PPP2R5B: variants seen among roughly 807,000 people sequenced by gnomAD.
PPP2R5B encodes protein phosphatase 2 regulatory subunit B'beta.
PPP2R5B carries 19 observed loss-of-function variants against 59.9 expected under a neutral mutation model. That is an observed-to-expected ratio of 0.32 (90% CI 0.22 to 0.47). PPP2R5B has a LOEUF of 0.47. PPP2R5B is among the 20% of genes least tolerant of loss of function. The probability of loss-of-function intolerance (pLI) is 1.00; values close to 1 mark genes in which losing one functional copy is unlikely to be tolerated. For missense variants in PPP2R5B, 441 were observed against 640.2 expected (o/e 0.69, Z 3.36); for synonymous variants, 286 against 260.5 (o/e 1.10, Z -0.94).
Position 64,933,849 on chromosome 11 carries a change from C to T in PPP2R5B, c.*5C>T. ...GCCAGTGGGGGTCAGAGCTAGACAG[C>T]ACCTCAGAAGGGGAAAAGCTAAACC... On this transcript the variant is annotated 3_prime_UTR_variant, in exon 14 of 14. Transcript: ENST00000164133. 2 of 1,525,024 alleles carry T rather than the reference C, an allele frequency of 1.3e-6. No individual in the cohort carries two copies. The highest frequency in any genetic ancestry group is 1.8e-6 in the Non-Finnish European group (2 of 1,136,254). The allele number at this position is 1,525,024 out of a possible 1,614,324, so 94.5% of individuals were successfully genotyped here. A position where few individuals can be genotyped will look rare whatever the true frequency, so the allele number is the denominator to read the frequency against.
In PPP2R5B at chr11:64,931,274, G is replaced by C. The variant is rs983457261; in HGVS notation, c.892-162G>C. On this transcript the variant is annotated intron_variant, in intron 8 of 13. Transcript: ENST00000164133. This position sits in a 1 kb window ranked among gnomAD's most constrained non-coding sequence, Gnocchi z 5.0. ...GAGTTGTATTCCCAGCACACTGAAT[G>C]TGATGCCTGGTACATCCTAGGCAGG... is the stretch of plus-strand genomic sequence containing the variant. 6.6e-6 allele frequency among the ~76,000 whole-genome samples: 1 copy of C among 152,192 alleles called. No individual in the cohort carries two copies. The highest frequency in any genetic ancestry group is 2.4e-5 in the African/African-American group (1 of 41,454).
At chr11:64,923,865 G>T (rs760213760), upstream of PPP2R5B, among the ~76,000 whole-genome samples, 35 of 152,098 alleles carry the variant, frequency 2.3e-4, no homozygotes, top group Non-Finnish European at 4.4e-4. Flanking sequence ...ATCCTAGGAC[G>T]GGGGCCCAGG....
At chr11:64,920,185 G>A (rs1945097177), upstream of PPP2R5B, among the ~76,000 whole-genome samples, 1 of 152,200 alleles carries the variant, frequency 6.6e-6, no homozygotes, top group African/African-American at 2.4e-5. Flanking sequence ...GATAGAAGGG[G>A]ATATTCTCTT....
chr11:64,924,046 G>A (rs1945133036), upstream of PPP2R5B: 1 of 152,218 alleles, frequency 6.6e-6, no homozygotes, highest in African/African-American at 2.4e-5. Flanking sequence ...GGGATGAGGT[G>A]GCAGCTCAAG....
In PPP2R5B at chr11:64,928,276, C is replaced by T; in HGVS notation, c.592-19C>T. ...CTTTCCCCTGACCCTGACCCTGACC[C>T]TGACTCTGGTTCCCACAGCTCCTGG... On this transcript the variant is annotated intron_variant, in intron 5 of 13. Coordinates refer to ENST00000164133, the MANE Select transcript of PPP2R5B (RefSeq NM_006244.4). The T allele has an allele frequency of 6.2e-7, 1 of 1,613,380 alleles. No individual in the cohort carries two copies. Among genetic ancestry groups the T allele is most frequent in the Non-Finnish European group, 8.5e-7 (1 of 1,179,640 alleles).
Position 64,928,167 on chromosome 11 carries a change from G to A in PPP2R5B, c.591+9G>A. On this transcript the variant is annotated intron_variant, in intron 5 of 13. Transcript: ENST00000164133. ...AAAAGTTTGTCCTGATGGTGAAGTGGGGAGCCCAGGCTGGGTGGTACCACA... is the reference window on the plus strand; with the variant it reads ...AAAAGTTTGTCCTGATGGTGAAGTGAGGAGCCCAGGCTGGGTGGTACCACA... The A allele has an allele frequency of 6.2e-7, 1 of 1,614,128 alleles. No individual in the cohort carries two copies. The highest frequency in any genetic ancestry group is 8.5e-7 in the Non-Finnish European group (1 of 1,179,968).
intron 6 of PPP2R5B, among the ~76,000 whole-genome samples, chr11:64,929,281 G>A (rs1032376030): frequency 6.6e-6 from 1 of 152,222 alleles, no homozygotes; most frequent in Non-Finnish European, 1.5e-5. Context: ...CATGCACTGA[G>A]CACCAGCACC....
chr11:64,926,187 G>T (rs1254126421), intron 2 of PPP2R5B, among the ~76,000 whole-genome samples: 2 of 152,230 alleles, frequency 1.3e-5, no homozygotes, highest in African/African-American at 4.8e-5. Context: ...GGCCAAGGGT[G>T]GGGCCCATAG....
rs766358790 is a variant in PPP2R5B, at chr11:64,932,779, T to C, written c.1131T>C (p.Ala377=). 29 of 1,613,916 alleles carry C rather than the reference T, an allele frequency of 1.8e-5. No individual in the cohort carries two copies. Among genetic ancestry groups the C allele is most frequent in the Non-Finnish European group, 2.2e-5 (26 of 1,179,932 alleles). The change falls in exon 12 of 14, where the codon GCT becomes GCC. Residue 377 remains alanine (A), a synonymous_variant. Coordinates refer to ENST00000164133, the MANE Select transcript of PPP2R5B (RefSeq NM_006244.4). ...SSPHFQVAER[A]LYFWNNEYIL... Reference sequence around the variant, plus strand: ...GTCTGCCCCAGGTTGCAGAGCGGGCTCTGTATTTCTGGAACAATGAGTATA... The same window carrying C: ...GTCTGCCCCAGGTTGCAGAGCGGGCCCTGTATTTCTGGAACAATGAGTATA...
At chr11:64,921,397 C>T (rs1327643140), upstream of PPP2R5B, among the ~76,000 whole-genome samples, 3 of 152,126 alleles carry the variant, frequency 2.0e-5, no homozygotes, top group Non-Finnish European at 4.4e-5. Flanking sequence ...ATGGGGAGGG[C>T]CAGGCTTTGC....
intron 1 of PPP2R5B, among the ~76,000 whole-genome samples, chr11:64,919,662 T>C (rs1945093336): frequency 6.6e-6 from 1 of 151,880 alleles, no homozygotes; most frequent in Admixed American, 6.6e-5. Context: ...GAAGTTGCAG[T>C]GAAGCTATGA....
At chr11:64,918,603 T>C (rs1945071646) in intron 1 of PPP2R5B, among the ~76,000 whole-genome samples, 1 of 152,062 alleles carries the variant, frequency 6.6e-6, no homozygotes, top group Non-Finnish European at 1.5e-5. Flanking sequence ...AGTGTTGGGA[T>C]TACAGGCACG....
At chr11:64,927,090 A>C (rs1470950129) in intron 3 of PPP2R5B, among the ~76,000 whole-genome samples, 182 bp downstream of exon 3, 1 of 151,968 alleles carries the variant, frequency 6.6e-6, no homozygotes, top group Non-Finnish European at 1.5e-5. Flanking sequence ...GGCCTGCCCC[A>C]CGTCCACACC....
Position 64,927,911 on chromosome 11 carries a change from G to T in PPP2R5B, c.498+8G>T. 1.3e-6 allele frequency: 2 copies of T among 1,592,280 alleles called. No homozygotes were observed. Among genetic ancestry groups the T allele is most frequent in the Non-Finnish European group, 1.7e-6 (2 of 1,160,222 alleles). ...TCGTGGCCACACCTGCAGGTCTGAA[G>T]GGTTGGGGAAGACAGAGATCCAAGT... On this transcript the variant is annotated splice_region_variant and intron_variant, in intron 4 of 13. Transcript: ENST00000164133.
upstream of PPP2R5B, among the ~76,000 whole-genome samples, chr11:64,920,864 A>G (rs584715): frequency 0.43 from 64,602 of 150,124 alleles, 17,481 homozygotes; most frequent in Non-Finnish European, 0.61. Flanking sequence ...TTTTGACCTC[A>G]TGATCTGCCC....
chr11:64,918,874 G>A (rs1259052863), intron 1 of PPP2R5B, among the ~76,000 whole-genome samples: 1 of 152,216 alleles, frequency 6.6e-6, no homozygotes, highest in Admixed American at 6.5e-5. Context: ...AACCGCCCTG[G>A]CCCACCGGGC....
upstream of PPP2R5B, among the ~76,000 whole-genome samples, chr11:64,920,524 T>C (rs564324425): frequency 6.6e-6 from 1 of 151,950 alleles, no homozygotes; most frequent in African/African-American, 2.4e-5. Context: ...GAGCAAAAAA[T>C]CCTCGCACAG....
chr11:64,930,060 C>T (rs1424938942), intron 6 of PPP2R5B, among the ~76,000 whole-genome samples: 1 of 152,190 alleles, frequency 6.6e-6, no homozygotes, highest in Non-Finnish European at 1.5e-5. Flanking sequence ...AAGTGTTTGT[C>T]ATTCTCTTGG....
chr11:64,924,169 T>G (rs1002171921), upstream of PPP2R5B: 1 of 152,280 alleles, frequency 6.6e-6, no homozygotes, highest in Non-Finnish European at 1.5e-5. Context: ...GGCCTGAGGA[T>G]GGACTGCATC....
Sources: allele counts gnomAD v4.1 joint callset (sites outside exome capture counted in the v4.1 genomes callset), GRCh38; gene constraint gnomAD v4.1.1; non-coding constraint Gnocchi (gnomAD v3.1); transcripts MANE v1.5; gene names NCBI Gene and HGNC (gene_info 2026-07-23, HGNC 2026-07-21).